The following COL2A1 variants were observed in gnomAD, a reference collection of about 807,000 sequenced individuals.
COL2A1 encodes the protein collagen type II alpha 1 chain, also known as collagen alpha-1(II) chain.
In COL2A1, 28 loss-of-function variants were observed where a neutral mutation model predicts 204.5. The observed-to-expected ratio is 0.14, with a 90% CI of 0.10 to 0.19. The LOEUF (loss-of-function observed/expected upper bound fraction) is 0.19, where lower values mean the gene tolerates loss of function less well. COL2A1 is among the 10% of genes least tolerant of loss of function. The pLI, the probability that COL2A1 is intolerant of heterozygous loss-of-function variation, is 1.00. For missense variants in COL2A1, 1,388 were observed against 2,027.5 expected, an observed-to-expected ratio of 0.68 and a Z score of 6.06; for synonymous variants, 708 against 718.7, an observed-to-expected ratio of 0.99 and a Z score of 0.24.
intron 45 of COL2A1, 54 bp downstream of exon 45, chr12:47,977,546 G>T: frequency 1.2e-6 from 2 of 1,609,282 alleles, no homozygotes; most frequent in Non-Finnish European, 8.5e-7. Context: ...GACCTGTCAG[G>T]CCCGAGGCAA....
chr12:47,993,407 G>T, intron 15 of COL2A1, 51 bp downstream of exon 15: 1 of 1,345,782 alleles, frequency 7.4e-7, no homozygotes, highest in Non-Finnish European at 1.1e-6. Flanking sequence ...GCAGCCATCT[G>T]ATAGTCTGAA....
intron 1 of COL2A1, 117 bp downstream of exon 1, chr12:48,004,119 AC>A: frequency 1.3e-6 from 1 of 756,292 alleles, no homozygotes; most frequent in Non-Finnish European, 2.3e-6. Context: ...GCGCGCTACG[AC>A]CCCGGGAGCC....
chr12:47,986,291 C>G (rs200507056), intron 23 of COL2A1, 45 bp downstream of exon 23: 4 of 1,287,716 alleles, frequency 3.1e-6, no homozygotes, highest in Non-Finnish European at 4.4e-6. Flanking sequence ...ACTTCCCTCT[C>G]GAGGTCACAG....
chr12:47,998,128 A>G, intron 4 of COL2A1, 41 bp downstream of exon 4: 2 of 1,614,186 alleles, frequency 1.2e-6, no homozygotes, highest in Non-Finnish European at 8.5e-7. Context: ...ACCCATTTAG[A>G]GCAGCAGCTG....
At chr12:47,981,665 GC>G (rs1442758738) in intron 36 of COL2A1, 110 bp downstream of exon 36, 7 of 1,292,856 alleles carry the variant, frequency 5.4e-6, no homozygotes, top group Non-Finnish European at 5.5e-6. Context: ...TACGGCCTTG[GC>G]CGAGGGTGAC....
chr12:47,983,995 C>T, intron 29 of COL2A1, 92 bp downstream of exon 29: 1 of 1,197,204 alleles, frequency 8.4e-7, no homozygotes, highest in Non-Finnish European at 1.2e-6. Context: ...ACATTCACAT[C>T]TGTCAGCTCC....
rs1385871354 is a variant in COL2A1 at position 47,997,597 on chromosome 12, G to T, written c.531+9C>A. On this transcript the variant is annotated intron_variant, in intron 7 of 53. Coordinates refer to ENST00000380518, the MANE Select transcript of COL2A1 (RefSeq NM_001844.5). ...ACAGCCTGAAGGAATGGGAAGTAAG[G>T]ATACTTACTCCACCAAGACCAGGGG... is the stretch of plus-strand genomic sequence containing the variant. 6.2e-7 allele frequency: 1 copy of T among 1,613,760 alleles called. No homozygotes were observed. The highest frequency in any genetic ancestry group is 1.7e-5 in the Admixed American group (1 of 60,020).
chr12:47,995,688 A>G lies in COL2A1; in HGVS notation c.708+22T>C, dbSNP rs776145805. 4.3e-6 allele frequency: 7 copies of G among 1,613,062 alleles called. No homozygotes were observed. The African/African-American group carries it at 9.3e-5, about 22-fold the overall frequency. ...CATTAGAGGCTCCCCCAGAGAAGGG[A>G]CAGGGCCGTGCTGGTACTCACAGAG... On this transcript the variant is annotated intron_variant, in intron 10 of 53. Transcript: ENST00000380518.
rs759070134 is a variant in COL2A1 at position 47,989,332 on chromosome 12, C to T, written c.1069-51G>A. On this transcript the variant is annotated intron_variant, in intron 17 of 53. Coordinates refer to ENST00000380518, the MANE Select transcript of COL2A1 (RefSeq NM_001844.5). ...AGAGGTGAATGCCAGTTCTGGCCTC[C>T]AAAGCGAGCCACCCCGACACCTCAC... is the stretch of plus-strand genomic sequence containing the variant. 18 of 1,470,766 alleles carry T rather than the reference C, an allele frequency of 1.2e-5. 1 individual carries two copies. The South Asian group carries it at 2.0e-4, about 16-fold the overall frequency. The allele number at this position is 1,470,766 out of a possible 1,614,324, so 91.1% of individuals were successfully genotyped here. A position where few individuals can be genotyped will look rare whatever the true frequency, so the allele number is the denominator to read the frequency against.
At chr12:47,985,431 A>G in intron 26 of COL2A1, 103 bp downstream of exon 26, 1 of 1,203,764 alleles carries the variant, frequency 8.3e-7, no homozygotes, top group South Asian at 1.2e-5. Flanking sequence ...CTCAAAATTC[A>G]CAGTACTTCA....
chr12:47,983,223 T>G (rs1220228353), intron 31 of COL2A1, 86 bp from the exon 32 acceptor site: 1 of 1,525,614 alleles, frequency 6.6e-7, no homozygotes, highest in Admixed American at 1.8e-5. Context: ...TGAATATCAC[T>G]CCTCCCATGG....
In COL2A1 at chr12:47,973,315, C is replaced by T; in HGVS notation, c.*92G>A. ...TGAATGGACATCAGGTCAGGTCAGCCATTCAGTGCAGAGTCCTAGAGTGAC... is the reference window on the plus strand; with the variant it reads ...TGAATGGACATCAGGTCAGGTCAGCTATTCAGTGCAGAGTCCTAGAGTGAC... On this transcript the variant is annotated 3_prime_UTR_variant, in exon 54 of 54. Transcript: ENST00000380518. The T allele has an allele frequency of 6.5e-7, 1 of 1,549,036 alleles. No individual in the cohort carries two copies. The highest frequency in any genetic ancestry group is 8.9e-7 in the Non-Finnish European group (1 of 1,120,750).
chr12:47,996,607 C>T lies in COL2A1; in HGVS notation c.550G>A (p.Ala184Thr), dbSNP rs201817670. The change falls in exon 8 of 54, where the codon GCT becomes ACT. Residue 184 changes from alanine to threonine, a missense_variant. Physicochemically the swap from Ala to Thr is moderately conservative, Grantham distance 58 (BLOSUM62 0). This residue lies in a region of COL2A1 where 201 missense variants were observed against 242.4 expected (regional missense o/e 0.83). Transcript: ENST00000380518. ...CCAGCCTTTTCATCAAATCCTCCAGCCATCTGGGCAGCAAAGTTCTGCAAA... is the reference window on the plus strand; with the variant it reads ...CCAGCCTTTTCATCAAATCCTCCAGTCATCTGGGCAGCAAAGTTCTGCAAA... The part of the protein sequence containing the change: ...GLGGNFAAQM[A>T]GGFDEKAGGA... The T allele has an allele frequency of 5.5e-5, 89 of 1,614,196 alleles. No homozygotes were observed. In the East Asian group the frequency reaches 1.8e-3, roughly 34 times the overall value.
intron 16 of COL2A1, among the ~76,000 whole-genome samples, chr12:47,991,217 C>T (rs1939686984): frequency 6.6e-6 from 1 of 152,178 alleles, no homozygotes; most frequent in South Asian, 2.1e-4. Flanking sequence ...GCAGGAGGGC[C>T]CAGCCTGGGC....
At chr12:48,004,173 G>A (rs1412861511) in intron 1 of COL2A1, 64 bp downstream of exon 1, 1 of 1,250,014 alleles carries the variant, frequency 8.0e-7, no homozygotes, top group African/African-American at 1.5e-5. Context: ...GAGCGGGCCG[G>A]GGAGAAGGAT....
chr12:48,004,139 C>A (rs1940362335), intron 1 of COL2A1, 98 bp downstream of exon 1: 2 of 960,798 alleles, frequency 2.1e-6, no homozygotes, highest in Non-Finnish European at 3.3e-6. Context: ...CCGTTTTAGC[C>A]CGGAGCCGCG....
At chr12:47,993,428 T>C in intron 15 of COL2A1, 30 bp downstream of exon 15, 1 of 1,573,666 alleles carries the variant, frequency 6.4e-7, no homozygotes. Flanking sequence ...GAGTCTTTGA[T>C]AAACCTTCCT....
chr12:47,984,008 T>C, intron 29 of COL2A1, 79 bp downstream of exon 29: 1 of 1,293,946 alleles, frequency 7.7e-7, no homozygotes, highest in Non-Finnish European at 1.1e-6. Flanking sequence ...TCAGCTCCAT[T>C]AATGGATGGG....
At position 47,992,909 on chromosome 12, in the gene COL2A1, T is replaced by C. The variant is rs757091184; in HGVS notation, c.992A>G (p.Glu331Gly). 2 of 1,614,096 alleles carry C rather than the reference T, an allele frequency of 1.2e-6. No individual in the cohort carries two copies. Among genetic ancestry groups the C allele is most frequent in the African/African-American group, 2.7e-5 (2 of 74,930 alleles). Residue 331 changes from glutamate to glycine, a missense_variant, in exon 16 of 54, where the codon GAA becomes GGA. Transcript: ENST00000380518. ...GCCAGCAGGGCCAGTCCGTCCTCTT[T>C]CACCAGGCAGGCCACGAGGACCCTG... ...GPMGPRGLPG[E>G]RGRTGPAGAA...
Sources: allele counts gnomAD v4.1 joint callset (sites outside exome capture counted in the v4.1 genomes callset), GRCh38; gene constraint gnomAD v4.1.1; regional missense constraint gnomAD v4.1.1; transcripts MANE v1.5; gene names NCBI Gene and HGNC (gene_info 2026-07-23, HGNC 2026-07-21).